C12orf42: variants seen among roughly 807,000 people sequenced by gnomAD.
The protein encoded by C12orf42 is chromosome 12 open reading frame 42.
C12orf42 carries 25 observed loss-of-function variants against 21.6 expected under a neutral mutation model. The observed-to-expected ratio is 1.16, with a 90% CI of 0.84 to 1.62. The LOEUF is 1.62. Among genes scored for constraint, C12orf42 ranks in the 40% most tolerant of loss-of-function variants. The pLI is 0.00. For synonymous variants in C12orf42, 174 were observed against 175.0 expected (o/e 0.99, Z 0.05); for missense variants, 483 against 459.3 (o/e 1.05, Z -0.47).
chr12:103,280,564 A>G (rs2036048447), intron 4 of C12orf42, among the ~76,000 whole-genome samples: 1 of 152,154 alleles, frequency 6.6e-6, no homozygotes, highest in South Asian at 2.1e-4. Context: ...GGCTGTAGAG[A>G]GCTGAGACTG....
At chr12:103,339,733 C>T (rs527582386) in intron 4 of C12orf42, among the ~76,000 whole-genome samples, 1 of 152,244 alleles carries the variant, frequency 6.6e-6, no homozygotes, top group South Asian at 2.1e-4. Context: ...AACACTTATA[C>T]ACTGTTGGTG....
intron 4 of C12orf42, among the ~76,000 whole-genome samples, chr12:103,323,643 C>G (rs950130687): frequency 2.0e-5 from 3 of 152,194 alleles, no homozygotes; most frequent in South Asian, 4.1e-4. Flanking sequence ...TTCTGATGCT[C>G]ACTATCAGAA....
Position 103,315,139 on chromosome 12 carries a change from C to T in C12orf42, c.260-8794G>A, listed in dbSNP as rs923373987. Among the ~76,000 whole-genome samples, 16 of 152,078 alleles carry T rather than the reference C, an allele frequency of 1.1e-4. No homozygotes were observed. In the South Asian group the frequency reaches 2.3e-3, roughly 22 times the overall value. On this transcript the variant is annotated intron_variant, in intron 4 of 5. Coordinates refer to ENST00000548883, the MANE Select transcript of C12orf42 (RefSeq NM_198521.5). The stretch of plus-strand genomic sequence containing the variant: ...ACCTCATACTAAAGATTTGTTTATC[C>T]CAGTTTCTATTACCTGATACATCAT...
At chr12:103,446,025 A>G (rs1026637817) in intron 2 of C12orf42, among the ~76,000 whole-genome samples, 1 of 151,994 alleles carries the variant, frequency 6.6e-6, no homozygotes, top group African/African-American at 2.4e-5. Flanking sequence ...TGGTAATAGT[A>G]CTAATAACAA....
At chr12:103,475,633 G>C (rs1953989485) in intron 2 of C12orf42, among the ~76,000 whole-genome samples, 1 of 152,162 alleles carries the variant, frequency 6.6e-6, no homozygotes. Context: ...ATGTTCATTA[G>C]AAGATGTCAT....
At chr12:103,253,857 T>C (rs2034427631) in intron 10 of C12orf42, among the ~76,000 whole-genome samples, 1 of 152,042 alleles carries the variant, frequency 6.6e-6, no homozygotes, top group East Asian at 1.9e-4. Context: ...GTTTAAGTTC[T>C]TCATACATTC....
At chr12:103,415,521 T>C (rs960546421) in intron 2 of C12orf42, among the ~76,000 whole-genome samples, 2 of 152,240 alleles carry the variant, frequency 1.3e-5, no homozygotes, top group Non-Finnish European at 2.9e-5. Flanking sequence ...ATCAGCCACA[T>C]GCTCAGTCAT....
intron 4 of C12orf42, among the ~76,000 whole-genome samples, chr12:103,362,717 C>T (rs1366025543): frequency 6.6e-6 from 1 of 151,964 alleles, no homozygotes; most frequent in African/African-American, 2.4e-5. Context: ...AAAGTCTCAG[C>T]AATAGAATCA....
At chr12:103,068,309 G>A in the C12orf42 span, among the ~76,000 whole-genome samples, 12 of 152,044 alleles carry the variant, frequency 7.9e-5, 1 homozygote, top group Non-Finnish European at 1.5e-4. Context: ...CAGCATTTAA[G>A]TATTGTTACT....
At chr12:103,412,467 G>C (rs142523189) in intron 2 of C12orf42, among the ~76,000 whole-genome samples, 1 of 152,164 alleles carries the variant, frequency 6.6e-6, no homozygotes, top group South Asian at 2.1e-4. Context: ...TCAGGAGTTC[G>C]AGACTGGCCT....
chr12:103,515,829 T>A, the C12orf42 span, among the ~76,000 whole-genome samples: 2 of 152,210 alleles, frequency 1.3e-5, no homozygotes, highest in South Asian at 2.1e-4. Flanking sequence ...ATCTATTTTT[T>A]AAAAGAAAGA....
the C12orf42 span, among the ~76,000 whole-genome samples, chr12:103,093,708 G>A: frequency 6.6e-6 from 1 of 152,212 alleles, no homozygotes; most frequent in Non-Finnish European, 1.5e-5. Context: ...AGGTATCTAA[G>A]CCAGTGTTCA....
chr12:103,529,354 A>G, the C12orf42 span, among the ~76,000 whole-genome samples: 1 of 152,252 alleles, frequency 6.6e-6, no homozygotes, highest in Admixed American at 6.5e-5. Context: ...TCAGCATGTA[A>G]TGCCTGAAAT....
the C12orf42 span, among the ~76,000 whole-genome samples, chr12:103,057,150 T>C: frequency 6.6e-6 from 1 of 152,032 alleles, no homozygotes; most frequent in Non-Finnish European, 1.5e-5. Flanking sequence ...TCTGACACTG[T>C]GCTGACAAGG....
At chr12:103,367,921 T>A (rs1272806900) in intron 4 of C12orf42, 1 of 487,564 alleles carries the variant, frequency 2.1e-6, no homozygotes, top group African/African-American at 2.0e-5. Context: ...TATGAATACA[T>A]ATGTAATGAA....
At chr12:103,149,483 T>A in the C12orf42 span, among the ~76,000 whole-genome samples, 12 of 152,204 alleles carry the variant, frequency 7.9e-5, no homozygotes, top group Admixed American at 5.2e-4. Flanking sequence ...ACTAACCTAG[T>A]GATATGGTTT....
chr12:103,212,078 T>C, the C12orf42 span, among the ~76,000 whole-genome samples: 1 of 152,226 alleles, frequency 6.6e-6, no homozygotes, highest in Admixed American at 6.5e-5. Flanking sequence ...ATATTGTACA[T>C]AGTGTGAGAT....
chr12:103,058,867 A>G, the C12orf42 span, among the ~76,000 whole-genome samples: 1 of 152,216 alleles, frequency 6.6e-6, no homozygotes, highest in Admixed American at 6.5e-5. Flanking sequence ...AAGTTCCCAT[A>G]TCAGAAAGTG....
At chr12:103,119,552 G>C in the C12orf42 span, among the ~76,000 whole-genome samples, 1 of 152,072 alleles carries the variant, frequency 6.6e-6, no homozygotes, top group Non-Finnish European at 1.5e-5. Flanking sequence ...CTCCTGATCT[G>C]GCAGATCAAG....
Sources: allele counts gnomAD v4.1 joint callset (sites outside exome capture counted in the v4.1 genomes callset), GRCh38; gene constraint gnomAD v4.1.1; transcripts MANE v1.5; gene names NCBI Gene and HGNC (gene_info 2026-07-23, HGNC 2026-07-21).